Variants in COL20A1 observed in about 807,000 individuals in gnomAD.
The protein encoded by COL20A1 is collagen type XX alpha 1 chain.
In COL20A1, 164 loss-of-function variants were observed where a neutral mutation model predicts 152.9. The ratio of observed to expected loss-of-function variants is 1.07; its 90% CI spans 0.94 to 1.22. The LOEUF (loss-of-function observed/expected upper bound fraction) is 1.22. COL20A1 is among the 50% of genes most tolerant of loss of function. The probability of loss-of-function intolerance (pLI) is 0.00; values close to 1 mark genes in which losing one functional copy is unlikely to be tolerated. For synonymous variants in COL20A1, 864 were observed against 756.0 expected, an observed-to-expected ratio of 1.14 and a Z score of -2.34; for missense variants, 1,873 against 1,744.8, an observed-to-expected ratio of 1.07 and a Z score of -1.31.
At position 63,326,804 on chromosome 20, in the gene COL20A1, C is replaced by A; in HGVS notation, c.3509C>A (p.Pro1170Gln). Residue 1170 changes from proline to glutamine, a missense_variant, in exon 31 of 36, where the codon CCA (proline) becomes CAA (glutamine). Transcript: ENST00000358894. ...GGCACTAGTGGAGAGCGAGGACCTC[C>A]AGGGACCGTGGGGCCCACAGTAAGT... ...ARGTSGERGPPGTVGPTGLPG... is the reference protein window; with the variant it reads ...ARGTSGERGPQGTVGPTGLPG... 1 of 1,503,012 alleles carries A rather than the reference C, an allele frequency of 6.7e-7. No homozygotes were observed. The highest frequency in any genetic ancestry group is 2.7e-5 in the East Asian group (1 of 36,938). The allele number at this position is 1,503,012 out of a possible 1,614,324, so 93.1% of individuals were successfully genotyped here. A position where few individuals can be genotyped will look rare whatever the true frequency, so the allele number is the denominator to read the frequency against.
At chr20:63,322,020 G>T in intron 26 of COL20A1, 38 bp from the exon 27 acceptor site, 1 of 1,503,266 alleles carries the variant, frequency 6.7e-7, no homozygotes, top group Non-Finnish European at 8.9e-7. Flanking sequence ...CCTTGGTTGG[G>T]TAGTTCTGGG....
intron 34 of COL20A1, 81 bp from the exon 35 acceptor site, chr20:63,329,504 C>G: frequency 8.9e-7 from 1 of 1,121,054 alleles, no homozygotes; most frequent in South Asian, 1.3e-5. Flanking sequence ...GGGAGGGGCC[C>G]TGACACCCTC....
chr20:63,321,006 C>T lies in COL20A1; in HGVS notation c.3154-7C>T. The stretch of plus-strand genomic sequence containing the variant: ...CTCTCTAATGGGCAGGGTCTCTCTT[C>T]TTCCAGAGGGATGGAGAGACCTGCC... On this transcript the variant is annotated splice_region_variant and splice_polypyrimidine_tract_variant and intron_variant, in intron 25 of 35. Transcript: ENST00000358894. 5 of 1,565,690 alleles carry T rather than the reference C, an allele frequency of 3.2e-6. No homozygotes were observed. The highest frequency in any genetic ancestry group is 4.3e-6 in the Non-Finnish European group (5 of 1,155,566).
chr20:63,294,118 G>A (rs1446168626), intron 1 of COL20A1, among the ~76,000 whole-genome samples: 1 of 118,498 alleles, frequency 8.4e-6, no homozygotes, highest in Admixed American at 8.5e-5. Flanking sequence ...TCGGGGAGCG[G>A]GAGTGCAGGG....
chr20:63,297,802 G>A, intron 2 of COL20A1, 108 bp from the exon 3 acceptor site: 1 of 827,752 alleles, frequency 1.2e-6, no homozygotes, highest in Non-Finnish European at 1.9e-6. Context: ...CCCCGGGATA[G>A]GACTGTGTTC....
At chr20:63,300,559 T>C (rs1051161230) in intron 3 of COL20A1, among the ~76,000 whole-genome samples, 2 of 152,216 alleles carry the variant, frequency 1.3e-5, no homozygotes, top group Admixed American at 6.5e-5. Context: ...ATTCCCGTTA[T>C]TGATTGAATC....
intron 21 of COL20A1, among the ~76,000 whole-genome samples, chr20:63,317,272 T>G (rs1404525914): frequency 6.6e-6 from 1 of 152,056 alleles, no homozygotes; most frequent in Non-Finnish European, 1.5e-5. Flanking sequence ...GAAACCAGCC[T>G]GGACAATGCA....
chr20:63,309,953 C>A lies in COL20A1; in HGVS notation c.1263+38C>A, dbSNP rs764730744. 1.2e-5 allele frequency: 18 copies of A among 1,550,694 alleles called. No individual in the cohort carries two copies. The South Asian group carries it at 2.1e-4, about 18-fold the overall frequency. On this transcript the variant is annotated intron_variant, in intron 10 of 35. Coordinates refer to ENST00000358894, the MANE Select transcript of COL20A1 (RefSeq NM_020882.4). ...GTATACAGGGCTCCCCGAGCCGGTC[C>A]TCAGCCGTAGTGAGATCTGATAAGC...
chr20:63,298,815 C>G (rs893115565), intron 3 of COL20A1, among the ~76,000 whole-genome samples: 4 of 152,306 alleles, frequency 2.6e-5, no homozygotes, highest in South Asian at 2.1e-4. Flanking sequence ...CTTTTCAAAA[C>G]TCAGATGGAA....
intron 9 of COL20A1, 73 bp downstream of exon 9, chr20:63,309,570 T>G: frequency 7.3e-7 from 1 of 1,371,794 alleles, no homozygotes; most frequent in Non-Finnish European, 9.6e-7. Flanking sequence ...GGGGACGCTG[T>G]GGCTCCCGTG....
At position 63,313,719 on chromosome 20, in the gene COL20A1, C is replaced by T. The variant is rs2068046693; in HGVS notation, c.2210-24C>T. 6.4e-7 allele frequency: 1 copy of T among 1,556,850 alleles called. No homozygotes were observed. Among genetic ancestry groups the T allele is most frequent in the South Asian group, 1.2e-5 (1 of 81,322 alleles). ...CTCCTTTCTGGAGGGGCCTGAGCCC[C>T]ACACAACCCATGCTCTCGGCCAGCC... On this transcript the variant is annotated intron_variant, in intron 17 of 35. Transcript: ENST00000358894. This position sits in a 1 kb window ranked among gnomAD's most constrained non-coding sequence, Gnocchi z 5.9.
At position 63,299,644 on chromosome 20, in the gene COL20A1, A is replaced by G. The variant is rs562031654; in HGVS notation, c.193+1624A>G. Among the ~76,000 whole-genome samples the G allele has an allele frequency of 2.0e-5, 3 of 152,198 alleles. No homozygotes were observed. In the East Asian group the frequency reaches 5.8e-4, roughly 29 times the overall value. On this transcript the variant is annotated intron_variant, in intron 3 of 35. Transcript: ENST00000358894. ...TTTCTGTTTTGCCTTTTCCAGATAG[A>G]TGGACCTTATCAGGTTCAGTCCTGT... is the stretch of plus-strand genomic sequence containing the variant.
At chr20:63,323,353 T>G (rs1050221091) in intron 27 of COL20A1, among the ~76,000 whole-genome samples, 4 of 152,240 alleles carry the variant, frequency 2.6e-5, no homozygotes, top group Non-Finnish European at 5.9e-5. Context: ...TTAAAATAAC[T>G]TTTACGTAGT....
Position 63,319,277 on chromosome 20 carries a change from C to T in COL20A1, c.2806+77C>T. ...AGGCCCCAGAGCCCTGGGAGGCCTT[C>T]AGAGGAAGTCCAGCCTCCAGGCCAG... On this transcript the variant is annotated intron_variant, in intron 22 of 35. Transcript: ENST00000358894. This position sits in a 1 kb window ranked among gnomAD's most constrained non-coding sequence, Gnocchi z 4.4. The T allele has an allele frequency of 2.0e-6, 3 of 1,466,926 alleles. No individual in the cohort carries two copies. The highest frequency in any genetic ancestry group is 2.8e-5 in the African/African-American group (2 of 71,514). 90.9% of individuals were successfully genotyped at this position (1,466,926 alleles called of 1,614,324 possible). A position where few individuals can be genotyped will look rare whatever the true frequency, so the allele number is the denominator to read the frequency against.
intron 2 of COL20A1, among the ~76,000 whole-genome samples, chr20:63,296,728 C>T (rs915741373): frequency 6.6e-6 from 1 of 152,210 alleles, no homozygotes; most frequent in Non-Finnish European, 1.5e-5. Flanking sequence ...CACAGCTGGC[C>T]TTCAGAGCCC....
At position 63,328,381 on chromosome 20, in the gene COL20A1, C is replaced by T; in HGVS notation, c.3664C>T (p.Pro1222Ser). ...SFHENTRPPMPILEQKLEPGT... is the reference protein window; with the variant it reads ...SFHENTRPPMSILEQKLEPGT... The stretch of plus-strand genomic sequence containing the variant: ...CCACGAGAACACCAGGCCCCCCATG[C>T]CCATCTTGGAGCAGAAGCTGGAGCC... Residue 1222 changes from proline (P) to serine (S), a missense_variant, in exon 34 of 36, where the codon CCC becomes TCC. Physicochemically the swap from Pro to Ser is moderately conservative, Grantham distance 74. Coordinates refer to ENST00000358894, the MANE Select transcript of COL20A1 (RefSeq NM_020882.4). The T allele has an allele frequency of 6.2e-7, 1 of 1,612,654 alleles. No homozygotes were observed. Among genetic ancestry groups the T allele is most frequent in the Non-Finnish European group, 8.5e-7 (1 of 1,179,602 alleles).
chr20:63,305,358 G>A lies in COL20A1; in HGVS notation c.194-59G>A, dbSNP rs559025833. ...AGCCAAGAGGGTTTCACTCCCCGCC[G>A]TGACAGATGCACACACGTGTGCACC... On this transcript the variant is annotated intron_variant, in intron 3 of 35. Coordinates refer to ENST00000358894, the MANE Select transcript of COL20A1 (RefSeq NM_020882.4). The surrounding 1 kb of genome is among the most constrained non-coding windows in gnomAD (Gnocchi z 4.9). 1.7e-5 allele frequency: 23 copies of A among 1,347,946 alleles called. No individual in the cohort carries two copies. Among genetic ancestry groups the A allele is most frequent in the Middle Eastern group, 1.9e-4 (1 of 5,206 alleles). The allele number at this position is 1,347,946 out of a possible 1,614,324, so 83.5% of individuals were successfully genotyped here.
At chr20:63,309,597 C>G (rs2048039647) in intron 9 of COL20A1, 100 bp downstream of exon 9, 2 of 1,291,114 alleles carry the variant, frequency 1.5e-6, no homozygotes, top group Non-Finnish European at 2.1e-6. Flanking sequence ...CTGAGGCCGG[C>G]TCCTGTGGCT....
At position 63,320,377 on chromosome 20, in the gene COL20A1, C is replaced by A; in HGVS notation, c.3153+9C>A. 1 of 1,610,260 alleles carries A rather than the reference C, an allele frequency of 6.2e-7. No homozygotes were observed. Among genetic ancestry groups the A allele is most frequent in the Non-Finnish European group, 8.5e-7 (1 of 1,179,560 alleles). On this transcript the variant is annotated intron_variant, in intron 25 of 35. Coordinates refer to ENST00000358894, the MANE Select transcript of COL20A1 (RefSeq NM_020882.4). ...GTGAGCTCCCTGCCTCGGTGTGCCC[C>A]GTCCCTTGCCCCTGTTCCACGAAGC...
Sources: gnomAD v4.1 joint callset for allele counts (sites outside exome capture counted in the v4.1 genomes callset) on GRCh38, gnomAD v4.1.1 for gene constraint, Gnocchi (gnomAD v3.1) non-coding constraint, MANE v1.5 for transcripts, NCBI Gene and HGNC (gene_info 2026-07-23, HGNC 2026-07-21) for gene names.